THOC2: variants seen among roughly 807,000 people sequenced by gnomAD.
The protein encoded by THOC2 is THO complex 2.
THOC2 carries 10 observed loss-of-function variants against 128.4 expected under a neutral mutation model. That is an observed-to-expected ratio of 0.08 (90% CI 0.05 to 0.13). The LOEUF is 0.13. Ranked by LOEUF, THOC2 falls within the 10% of genes least tolerant of loss-of-function variation. THOC2 has a pLI of 1.00. For missense variants in THOC2, 535 were observed against 1,155.7 expected, an observed-to-expected ratio of 0.46 and a Z score of 7.79; for synonymous variants, 393 against 396.9, an observed-to-expected ratio of 0.99 and a Z score of 0.12.
chrX:123,675,485 A>G (rs1344698145), intron 8 of THOC2, among the ~76,000 whole-genome samples: 2 of 110,310 alleles, frequency 1.8e-5, no homozygotes, highest in African/African-American at 3.3e-5. Flanking sequence ...TACTATAAAG[A>G]CAAAAATTAG....
At chrX:123,638,227 T>G (rs771214127) in intron 17 of THOC2, 104 bp from the exon 18 acceptor site, 1 of 463,922 alleles carries the variant, frequency 2.2e-6, no homozygotes, top group East Asian at 3.9e-5. Flanking sequence ...CATTACAAAT[T>G]ATTTTTCTAG....
Position 123,667,225 on chromosome X carries a change from A to G in THOC2, c.1071T>C (p.Asp357=). The G allele has an allele frequency of 8.3e-7, 1 of 1,208,718 alleles. No individual in the cohort carries two copies. Among genetic ancestry groups the G allele is most frequent in the Non-Finnish European group, 1.1e-6 (1 of 894,368 alleles). The change falls in exon 11 of 39, where the codon GAT becomes GAC. Residue 357 remains aspartate, a synonymous_variant. Transcript: ENST00000245838. The part of the protein sequence containing the change: ...GLLEALLKIG[D]WQHAQNIMDQ... ...CCATAATGTTCTGTGCATGTTGCCA[A>G]TCACCAATCTTTAATAAGGCTTCCA...
At chrX:123,661,343 T>A (rs1324657592) in intron 12 of THOC2, among the ~76,000 whole-genome samples, 1 of 110,236 alleles carries the variant, frequency 9.1e-6, no homozygotes. Flanking sequence ...AGGCGGAGGT[T>A]GCAGTGAGCC....
intron 37 of THOC2, among the ~76,000 whole-genome samples, 191 bp from the exon 38 acceptor site, chrX:123,611,154 C>CT (rs1482361763): frequency 3.6e-5 from 4 of 111,100 alleles, no homozygotes; most frequent in Non-Finnish European, 7.5e-5. Context: ...GCCCTAGGGA[C>CT]TCTCTGTTCC....
intron 12 of THOC2, among the ~76,000 whole-genome samples, chrX:123,646,417 T>C (rs920715620): frequency 2.7e-5 from 3 of 112,270 alleles, no homozygotes; most frequent in African/African-American, 9.7e-5. Flanking sequence ...AGTGACAATC[T>C]AGATTTCTGG....
chrX:123,624,740 C>A, intron 25 of THOC2, 71 bp from the exon 26 acceptor site: 4 of 1,004,483 alleles, frequency 4.0e-6, no homozygotes, highest in Non-Finnish European at 5.5e-6. Flanking sequence ...TTAGAAGATT[C>A]TCTTACAGCA....
chrX:123,631,952 T>G, intron 21 of THOC2, 100 bp from the exon 22 acceptor site: 2 of 795,959 alleles, frequency 2.5e-6, no homozygotes, highest in South Asian at 5.3e-5. Flanking sequence ...TTTTATAACT[T>G]AAAAGGACTT....
At chrX:123,604,479 G>A (rs1007803585) in intron 38 of THOC2, among the ~76,000 whole-genome samples, 4 of 110,039 alleles carry the variant, frequency 3.6e-5, no homozygotes, top group Non-Finnish European at 7.6e-5. Flanking sequence ...TCAAAGAGTT[G>A]AGGCAGCTGA....
chrX:123,623,407 C>A, intron 28 of THOC2, 124 bp from the exon 29 acceptor site: 3 of 744,502 alleles, frequency 4.0e-6, no homozygotes, highest in Non-Finnish European at 5.6e-6. Flanking sequence ...TTAAAAAATA[C>A]CAATTTTTAA....
intron 22 of THOC2, among the ~76,000 whole-genome samples, 200 bp downstream of exon 22, chrX:123,631,488 C>G (rs1225901243): frequency 8.9e-6 from 1 of 111,754 alleles, no homozygotes; most frequent in African/African-American, 3.3e-5. Context: ...ATTAAATGAT[C>G]AATTAGACTC....
intron 15 of THOC2, among the ~76,000 whole-genome samples, chrX:123,642,012 T>C (rs1470937010): frequency 8.9e-6 from 1 of 112,322 alleles, no homozygotes; most frequent in Non-Finnish European, 1.9e-5. Context: ...TACTATTCTG[T>C]AGTAAATTGT....
intron 8 of THOC2, among the ~76,000 whole-genome samples, chrX:123,682,968 C>A (rs948252151): frequency 4.5e-5 from 5 of 111,428 alleles, no homozygotes; most frequent in Admixed American, 9.5e-5. Flanking sequence ...CTTCTGGTAC[C>A]TTCACACTTT....
chrX:123,658,659 A>G (rs1019129071), intron 12 of THOC2, among the ~76,000 whole-genome samples: 1 of 112,639 alleles, frequency 8.9e-6, no homozygotes, highest in African/African-American at 3.2e-5. Flanking sequence ...AAAACCACGC[A>G]GACAATGAAA....
chrX:123,620,731 TACTC>T, intron 32 of THOC2, 172 bp downstream of exon 32: 1 of 398,105 alleles, frequency 2.5e-6, no homozygotes. Flanking sequence ...ATAATAAAAA[TACTC>T]AATAGGAAAA....
At chrX:123,686,746 A>G in intron 7 of THOC2, 32 bp from the exon 8 acceptor site, 1 of 1,054,877 alleles carries the variant, frequency 9.5e-7, no homozygotes, top group Non-Finnish European at 1.3e-6. Flanking sequence ...AAAATTTAAA[A>G]ATGATTATAC....
intron 9 of THOC2, among the ~76,000 whole-genome samples, chrX:123,669,763 T>C (rs1468489553): frequency 1.8e-5 from 2 of 112,174 alleles, no homozygotes; most frequent in South Asian, 3.7e-4. Context: ...ATCTTCCTAG[T>C]GAGCACAATC....
At chrX:123,701,090 C>A (rs989224358) in intron 4 of THOC2, among the ~76,000 whole-genome samples, 1 of 110,847 alleles carries the variant, frequency 9.0e-6, no homozygotes, top group Non-Finnish European at 1.9e-5. Flanking sequence ...CGGTAGCTCA[C>A]GCCTATAATC....
intron 25 of THOC2, among the ~76,000 whole-genome samples, chrX:123,625,353 C>T (rs1270417016): frequency 9.0e-6 from 1 of 111,720 alleles, no homozygotes; most frequent in Non-Finnish European, 1.9e-5. Flanking sequence ...CCGCCTCGGC[C>T]TCCCGAAGTA....
At chrX:123,666,172 C>T (rs187072274) in intron 11 of THOC2, among the ~76,000 whole-genome samples, 4 of 111,774 alleles carry the variant, frequency 3.6e-5, no homozygotes, top group Non-Finnish European at 7.5e-5. Context: ...TAAACTTGGC[C>T]GGTATCGGGA....
Sources: allele counts gnomAD v4.1 joint callset (sites outside exome capture counted in the v4.1 genomes callset), GRCh38; gene constraint gnomAD v4.1.1; transcripts MANE v1.5; gene names NCBI Gene and HGNC (gene_info 2026-07-23, HGNC 2026-07-21).